Variants in SGCZ observed in about 807,000 individuals in gnomAD.
SGCZ encodes zeta-sarcoglycan.
In SGCZ, 40 loss-of-function variants were observed where a neutral mutation model predicts 41.3. The ratio of observed to expected loss-of-function variants is 0.97; its 90% CI spans 0.75 to 1.26. The LOEUF (loss-of-function observed/expected upper bound fraction) is 1.26, where lower values mean the gene tolerates loss of function less well. SGCZ is among the 50% of genes most tolerant of loss of function. SGCZ has a pLI of 0.00. For synonymous variants in SGCZ, 206 were observed against 137.5 expected (o/e 1.50, Z -3.49); for missense variants, 552 against 369.8 (o/e 1.49, Z -4.04).
chr8:15,072,798 C>A (rs528804462), intron 1 of SGCZ, among the ~76,000 whole-genome samples: 1 of 152,248 alleles, frequency 6.6e-6, no homozygotes, highest in Middle Eastern at 3.4e-3. Context: ...TGATTCAAAT[C>A]TCAGAGCATG....
intron 1 of SGCZ, among the ~76,000 whole-genome samples, chr8:14,852,078 C>T (rs1003849443): frequency 2.6e-5 from 4 of 152,072 alleles, no homozygotes; most frequent in Admixed American, 2.0e-4. Flanking sequence ...TAAGTTAGTA[C>T]ACTGTTGGTC....
intron 5 of SGCZ, among the ~76,000 whole-genome samples, chr8:14,121,882 AT>A: frequency 6.6e-6 from 1 of 152,288 alleles, no homozygotes; most frequent in Admixed American, 6.5e-5. Flanking sequence ...TTTTTTAAAA[AT>A]TTTTTATTAT....
At chr8:14,165,685 G>A (rs564776606) in intron 4 of SGCZ, among the ~76,000 whole-genome samples, 1 of 152,182 alleles carries the variant, frequency 6.6e-6, no homozygotes, top group South Asian at 2.1e-4. Context: ...AGCTGAGTCA[G>A]GGAAGTAGGA....
rs1801333297 is a variant in SGCZ at position 14,475,539 on chromosome 8, T to C, written c.234+79193A>G. 4.6e-5 allele frequency among the ~76,000 whole-genome samples: 7 copies of C among 152,192 alleles called. 1 individual carries two copies. The highest frequency in any genetic ancestry group is 4.6e-4 in the Admixed American group (7 of 15,266). ...AAATGTACTAAGATTAAATTTTCAT[T>C]GTTGGCTCACAATAGAGCTAATATT... On this transcript the variant is annotated intron_variant, in intron 2 of 7. Coordinates refer to ENST00000382080, the MANE Select transcript of SGCZ (RefSeq NM_139167.4).
At position 14,188,895 on chromosome 8, in the gene SGCZ, A is replaced by C. The variant is rs188905333; in HGVS notation, c.425-24193T>G. 3.9e-3 allele frequency among the ~76,000 whole-genome samples: 576 copies of C among 146,338 alleles called. 3 individuals are homozygous for C. The highest frequency in any genetic ancestry group is 6.3e-3 in the Non-Finnish European group (423 of 67,314). On this transcript the variant is annotated intron_variant, in intron 4 of 7. Coordinates refer to ENST00000382080, the MANE Select transcript of SGCZ (RefSeq NM_139167.4). Reference sequence around the variant, plus strand: ...TGCCCAGGCTGGAGTGCAATGGCACATTCTCGTCTCATTGCAACCTCCATC... The same window carrying C: ...TGCCCAGGCTGGAGTGCAATGGCACCTTCTCGTCTCATTGCAACCTCCATC...
chr8:15,196,593 A>T (rs986509284), intron 1 of SGCZ, among the ~76,000 whole-genome samples: 2 of 151,746 alleles, frequency 1.3e-5, no homozygotes, highest in African/African-American at 2.4e-5. Flanking sequence ...CCACCCCTAA[A>T]ATGTAGTGAC....
chr8:14,516,133 T>A (rs1271622069), intron 2 of SGCZ, among the ~76,000 whole-genome samples: 2 of 151,830 alleles, frequency 1.3e-5, no homozygotes, highest in African/African-American at 4.8e-5. Flanking sequence ...ATGTCTGTGG[T>A]TTTTTTCTTT....
At chr8:14,883,235 TAAA>T (rs370971113) in intron 1 of SGCZ, among the ~76,000 whole-genome samples, 1 of 137,988 alleles carries the variant, frequency 7.2e-6, no homozygotes, top group Non-Finnish European at 1.6e-5. Context: ...TTGGGCTACT[TAAA>T]AAAAAAAAAA....
chr8:14,249,280 A>G (rs929997802), intron 3 of SGCZ, among the ~76,000 whole-genome samples: 6 of 152,146 alleles, frequency 3.9e-5, no homozygotes, highest in Non-Finnish European at 8.8e-5. Flanking sequence ...AACTTACACC[A>G]TTGGCGCTTT....
chr8:14,152,688 G>C (rs552434730), intron 5 of SGCZ, among the ~76,000 whole-genome samples: 1 of 152,054 alleles, frequency 6.6e-6, no homozygotes, highest in South Asian at 2.1e-4. Flanking sequence ...ATTTATCTCA[G>C]ATAAAGAAAA....
chr8:15,073,379 G>A (rs1025402741), intron 1 of SGCZ, among the ~76,000 whole-genome samples: 1 of 152,090 alleles, frequency 6.6e-6, no homozygotes, highest in African/African-American at 2.4e-5. Flanking sequence ...GGGAGAGAGA[G>A]AATGAATCAC....
chr8:14,106,540 T>A lies in SGCZ; in HGVS notation c.620+1623A>T, dbSNP rs547226871. Among the ~76,000 whole-genome samples, 12 of 152,288 alleles carry A rather than the reference T, an allele frequency of 7.9e-5. No homozygotes were observed. The South Asian group carries it at 2.1e-3, about 26-fold the overall frequency. On this transcript the variant is annotated intron_variant, in intron 6 of 7. Transcript: ENST00000382080. ...TGAGAAACTGAGTTGTTTAGGAAATTTTATCATAGGACTCTGACTAAAAAA... is the reference window on the plus strand; with the variant it reads ...TGAGAAACTGAGTTGTTTAGGAAATATTATCATAGGACTCTGACTAAAAAA...
chr8:14,261,927 T>A lies in SGCZ; in HGVS notation c.337-24248A>T, dbSNP rs563018056. ...AGTTTACTGAACTTTCAAGGTAAAATTATTCCTTAAAGATCTGGTTTTACT... is the reference window on the plus strand; with the variant it reads ...AGTTTACTGAACTTTCAAGGTAAAAATATTCCTTAAAGATCTGGTTTTACT... On this transcript the variant is annotated intron_variant, in intron 3 of 7. Coordinates refer to ENST00000382080, the MANE Select transcript of SGCZ (RefSeq NM_139167.4). Among the ~76,000 whole-genome samples the A allele has an allele frequency of 6.8e-4, 103 of 152,272 alleles. 6 individuals are homozygous for A. The South Asian group carries it at 0.021, about 31-fold the overall frequency.
intron 1 of SGCZ, among the ~76,000 whole-genome samples, chr8:15,156,460 G>C (rs968356515): frequency 1.3e-5 from 2 of 152,192 alleles, no homozygotes; most frequent in Admixed American, 6.5e-5. Flanking sequence ...CTCTTGGATA[G>C]AATGTACTTG....
At chr8:14,595,982 A>G (rs1003546208) in intron 1 of SGCZ, among the ~76,000 whole-genome samples, 1 of 152,230 alleles carries the variant, frequency 6.6e-6, no homozygotes, top group African/African-American at 2.4e-5. Flanking sequence ...TTAAGAAGAC[A>G]CTACAGAAAC....
chr8:14,821,577 G>C (rs998863708), intron 1 of SGCZ, among the ~76,000 whole-genome samples: 10 of 151,942 alleles, frequency 6.6e-5, no homozygotes, highest in Non-Finnish European at 1.5e-4. Flanking sequence ...CAAGATATTA[G>C]CCTACCAAAT....
chr8:14,429,610 A>T (rs1799886167), intron 2 of SGCZ, among the ~76,000 whole-genome samples: 1 of 152,178 alleles, frequency 6.6e-6, no homozygotes, highest in African/African-American at 2.4e-5. Context: ...TTCTTTGCAG[A>T]TGAAACTAAG....
At chr8:14,659,131 T>G (rs1240369656) in intron 1 of SGCZ, among the ~76,000 whole-genome samples, 1 of 152,182 alleles carries the variant, frequency 6.6e-6, no homozygotes, top group Admixed American at 6.5e-5. Context: ...AAAGTTTAGT[T>G]ACATTTATTT....
intron 2 of SGCZ, among the ~76,000 whole-genome samples, chr8:14,454,271 G>C (rs572487540): frequency 6.6e-6 from 1 of 152,224 alleles, no homozygotes; most frequent in South Asian, 2.1e-4. Context: ...GCATTTAAAA[G>C]CAAAACAAAT....
Sources: allele counts gnomAD v4.1 joint callset (sites outside exome capture counted in the v4.1 genomes callset), GRCh38; gene constraint gnomAD v4.1.1; transcripts MANE v1.5; gene names NCBI Gene and HGNC (gene_info 2026-07-23, HGNC 2026-07-21).